CACNA1C: variants seen among roughly 807,000 people sequenced by gnomAD.
CACNA1C encodes the protein voltage-dependent L-type calcium channel subunit alpha-1C.
CACNA1C carries 30 observed loss-of-function variants against 229.0 expected under a neutral mutation model. That is an observed-to-expected ratio of 0.13 (90% CI 0.10 to 0.18). CACNA1C has a LOEUF of 0.18. Among genes scored for constraint, CACNA1C ranks in the 10% least tolerant of loss-of-function variants. The pLI, the probability that CACNA1C is intolerant of heterozygous loss-of-function variation, is 1.00. For missense variants in CACNA1C, 1,658 were observed against 2,845.0 expected (o/e 0.58, Z 9.49); for synonymous variants, 1,114 against 1,132.5 (o/e 0.98, Z 0.33).
At chr12:2,640,670 G>A (rs216027) in intron 30 of CACNA1C, among the ~76,000 whole-genome samples, 4 of 152,128 alleles carry the variant, frequency 2.6e-5, no homozygotes, top group Admixed American at 6.5e-5. Flanking sequence ...TCAGCATGTC[G>A]GGATACTGGT....
At chr12:2,144,235 A>G (rs1216928371) in intron 3 of CACNA1C, among the ~76,000 whole-genome samples, 2 of 151,420 alleles carry the variant, frequency 1.3e-5, no homozygotes, top group East Asian at 1.9e-4. Context: ...GGAGTGGTAG[A>G]AAAGGATTTC....
chr12:2,110,972 C>G (rs1440545077), intron 1 of CACNA1C, among the ~76,000 whole-genome samples: 3 of 152,212 alleles, frequency 2.0e-5, no homozygotes, highest in African/African-American at 4.8e-5. Flanking sequence ...CTGTCTCACC[C>G]GAGAGGCCAC....
In CACNA1C at chr12:2,512,735, CT is replaced by C; in HGVS notation, c.1218-75del. 8.9e-7 allele frequency: 1 copy of C among 1,118,202 alleles called. No homozygotes were observed. The highest frequency in any genetic ancestry group is 1.3e-6 in the Non-Finnish European group (1 of 795,918). 69.3% of individuals were successfully genotyped at this position (1,118,202 alleles called of 1,614,324 possible). A position where few individuals can be genotyped will look rare whatever the true frequency, so the allele number is the denominator to read the frequency against. ...TTGTTTCTCCTTATCTCCATCTCTC[CT>C]TCCATCCTCGACCCTTCTCGGTGCT... On this transcript the variant is annotated intron_variant, in intron 8 of 46. Coordinates refer to ENST00000399655, the MANE Select transcript of CACNA1C (RefSeq NM_000719.7). This position sits in a 1 kb window ranked among gnomAD's most constrained non-coding sequence, Gnocchi z 4.3.
At position 2,493,372 on chromosome 12, in the gene CACNA1C, G is replaced by A. The variant is rs1010239242; in HGVS notation, c.1099G>A (p.Asp367Asn). ...FQCITMEGWTDVLYWVNDAVG... is the reference protein window; with the variant it reads ...FQCITMEGWTNVLYWVNDAVG... ...GTGCATCACCATGGAGGGCTGGACG[G>A]ACGTGCTGTACTGGGTACGTAGCAT... is the stretch of plus-strand genomic sequence containing the variant. Residue 367 changes from aspartate (D) to asparagine (N), a missense_variant, in exon 7 of 47, where the codon GAC becomes AAC. Asp to Asn is a conservative substitution (Grantham distance 23). Coordinates refer to ENST00000399655, the MANE Select transcript of CACNA1C (RefSeq NM_000719.7). This position sits in a 1 kb window ranked among gnomAD's most constrained non-coding sequence, Gnocchi z 4.6. The A allele has an allele frequency of 5.0e-6, 8 of 1,613,980 alleles. No homozygotes were observed. Among genetic ancestry groups the A allele is most frequent in the Non-Finnish European group, 6.8e-6 (8 of 1,179,812 alleles).
At position 2,479,796 on chromosome 12, in the gene CACNA1C, T is replaced by A. The variant is rs1341292766; in HGVS notation, c.758-6308T>A. ...ACATCGGGATTGGGGATATCACATGTAGAAGGGGTTTTCCCAGGCTTGAGG... is the reference window on the plus strand; with the variant it reads ...ACATCGGGATTGGGGATATCACATGAAGAAGGGGTTTTCCCAGGCTTGAGG... On this transcript the variant is annotated intron_variant, in intron 5 of 46. Coordinates refer to ENST00000399655, the MANE Select transcript of CACNA1C (RefSeq NM_000719.7). This position sits in a 1 kb window ranked among gnomAD's most constrained non-coding sequence, Gnocchi z 4.3. 2.6e-5 allele frequency among the ~76,000 whole-genome samples: 4 copies of A among 152,192 alleles called. No homozygotes were observed. The highest frequency in any genetic ancestry group is 4.4e-5 in the Non-Finnish European group (3 of 68,036).
intron 3 of CACNA1C, among the ~76,000 whole-genome samples, chr12:2,248,294 G>C (rs2074190448): frequency 6.6e-6 from 1 of 152,204 alleles, no homozygotes; most frequent in African/African-American, 2.4e-5. Flanking sequence ...CCAGTTAAGG[G>C]GAGGAGGAGA....
At chr12:2,190,165 G>A (rs2097166368) in intron 3 of CACNA1C, among the ~76,000 whole-genome samples, 1 of 152,224 alleles carries the variant, frequency 6.6e-6, no homozygotes, top group South Asian at 2.1e-4. Flanking sequence ...AAATGACACT[G>A]TCTCTCTCCT....
At chr12:2,165,693 A>G (rs555845580) in intron 3 of CACNA1C, among the ~76,000 whole-genome samples, 1 of 151,892 alleles carries the variant, frequency 6.6e-6, no homozygotes, top group South Asian at 2.1e-4. Flanking sequence ...GTGAGTGAAC[A>G]TTACCTTTCA....
At chr12:2,428,391 C>G (rs2099052752) in intron 3 of CACNA1C, among the ~76,000 whole-genome samples, 1 of 152,212 alleles carries the variant, frequency 6.6e-6, no homozygotes, top group African/African-American at 2.4e-5. Context: ...CCAGGAAGCC[C>G]TCACTCCTGG....
chr12:2,053,645 C>G lies in CACNA1C; in HGVS notation c.49+34C>G. 6.4e-7 allele frequency: 1 copy of G among 1,553,276 alleles called. No homozygotes were observed. Among genetic ancestry groups the G allele is most frequent in the Non-Finnish European group, 8.7e-7 (1 of 1,150,776 alleles). On this transcript the variant is annotated intron_variant, in intron 1 of 46. Coordinates refer to ENST00000399655, the MANE Select transcript of CACNA1C (RefSeq NM_000719.7). This position sits in a 1 kb window ranked among gnomAD's most constrained non-coding sequence, Gnocchi z 5.8. Reference sequence around the variant, plus strand: ...GGACCCCGCCGCCTCGCCGGGGCTCCCTGCCTTTTCCACCGGGTTCCTGCC... The same window carrying G: ...GGACCCCGCCGCCTCGCCGGGGCTCGCTGCCTTTTCCACCGGGTTCCTGCC...
At chr12:2,140,087 G>A (rs930800265) in intron 3 of CACNA1C, among the ~76,000 whole-genome samples, 5 of 151,268 alleles carry the variant, frequency 3.3e-5, no homozygotes, top group Non-Finnish European at 5.9e-5. Context: ...AGCTTTGGAG[G>A]GCGTCCCTCC....
At position 2,449,019 on chromosome 12, in the gene CACNA1C, C is replaced by T. The variant is rs2099328128; in HGVS notation, c.521C>T (p.Ala174Val). Residue 174 changes from alanine to valine, a missense_variant, in exon 4 of 47, where the codon GCG (alanine) becomes GTG (valine). Coordinates refer to ENST00000399655, the MANE Select transcript of CACNA1C (RefSeq NM_000719.7). ...YLFLIIFTVE[A>V]FLKVIAYGLL... ...TTTCTCATAATTTTTACGGTGGAAG[C>T]GTTTTTAAAAGTAATCGCCTATGGA... 4 of 1,607,446 alleles carry T rather than the reference C, an allele frequency of 2.5e-6. No individual in the cohort carries two copies. The highest frequency in any genetic ancestry group is 3.4e-6 in the Non-Finnish European group (4 of 1,175,014).
intron 1 of CACNA1C, chr12:1,992,074 G>T: frequency 2.7e-6 from 1 of 370,194 alleles, no homozygotes; most frequent in Non-Finnish European, 5.7e-6. Context: ...AAAGGGTCCT[G>T]GAGTTGGAAT....
In CACNA1C at chr12:2,633,835, A is replaced by T; in HGVS notation, c.3829-462A>T. 1.6e-6 allele frequency: 1 copy of T among 606,612 alleles called. No individual in the cohort carries two copies. Among genetic ancestry groups the T allele is most frequent in the Non-Finnish European group, 2.9e-6 (1 of 348,154 alleles). The allele number at this position is 606,612 out of a possible 1,614,324, so 37.6% of individuals were successfully genotyped here. ...ATGTTTTTTTTAATTTCCTGTTTTTACCCGCCTCCAGTCATGCCTTTTATT... is the reference window on the plus strand; with the variant it reads ...ATGTTTTTTTTAATTTCCTGTTTTTTCCCGCCTCCAGTCATGCCTTTTATT... On this transcript the variant is annotated intron_variant, in intron 29 of 46. Coordinates refer to ENST00000399655, the MANE Select transcript of CACNA1C (RefSeq NM_000719.7). This position sits in a 1 kb window ranked among gnomAD's most constrained non-coding sequence, Gnocchi z 5.8.
chr12:2,323,918 A>G (rs2096151323), intron 3 of CACNA1C, among the ~76,000 whole-genome samples: 1 of 152,132 alleles, frequency 6.6e-6, no homozygotes, highest in Non-Finnish European at 1.5e-5. Context: ...ATGGGGGCGT[A>G]CAGTGGGGTA....
At chr12:2,165,942 T>G (rs2096201171) in intron 3 of CACNA1C, among the ~76,000 whole-genome samples, 1 of 152,184 alleles carries the variant, frequency 6.6e-6, no homozygotes, top group African/African-American at 2.4e-5. Context: ...AGCCAAACTT[T>G]AATAAATACT....
chr12:2,135,806 A>T (rs936902552), intron 3 of CACNA1C, among the ~76,000 whole-genome samples: 1 of 146,258 alleles, frequency 6.8e-6, no homozygotes, highest in Non-Finnish European at 1.5e-5. Context: ...AGAGGCAGGC[A>T]GGCCTCCTTG....
chr12:2,680,466 G>C (rs982470470), intron 42 of CACNA1C: 4 of 1,564,902 alleles, frequency 2.6e-6, no homozygotes, highest in African/African-American at 2.7e-5. Context: ...TTCCCTGGCG[G>C]GGCTGAGAGA....
At chr12:2,024,403 T>C (rs1317031758) in intron 1 of CACNA1C, among the ~76,000 whole-genome samples, 1 of 152,172 alleles carries the variant, frequency 6.6e-6, no homozygotes, top group East Asian at 1.9e-4. Context: ...TAGACATTTA[T>C]TTCTCTCTCA....
Sources: gnomAD v4.1 joint callset for allele counts (sites outside exome capture counted in the v4.1 genomes callset) on GRCh38, gnomAD v4.1.1 for gene constraint, Gnocchi (gnomAD v3.1) non-coding constraint, MANE v1.5 for transcripts, NCBI Gene and HGNC (gene_info 2026-07-23, HGNC 2026-07-21) for gene names.